Variants in NPR3 observed in about 807,000 individuals in gnomAD.
The protein encoded by NPR3 is atrial natriuretic peptide receptor 3.
A neutral mutation model predicts 54.5 loss-of-function variants in NPR3; 34 were observed. The ratio of observed to expected loss-of-function variants is 0.62; its 90% CI spans 0.47 to 0.83. The LOEUF (loss-of-function observed/expected upper bound fraction) is 0.83. Ranked by LOEUF, NPR3 falls within the 40% of genes least tolerant of loss-of-function variation. NPR3 has a pLI of 0.00. For missense variants in NPR3, 674 were observed against 720.8 expected (o/e 0.94, Z 0.74); for synonymous variants, 289 against 297.1 (o/e 0.97, Z 0.28).
At chr5:32,723,251 T>G (rs1738959918) in intron 1 of NPR3, among the ~76,000 whole-genome samples, 3 of 152,194 alleles carry the variant, frequency 2.0e-5, no homozygotes, top group Non-Finnish European at 4.4e-5. Flanking sequence ...GTGGTACCGG[T>G]CATGGAGACC....
intron 1 of NPR3, among the ~76,000 whole-genome samples, chr5:32,694,025 G>C (rs1740465028): frequency 6.6e-6 from 1 of 151,996 alleles, no homozygotes; most frequent in African/African-American, 2.4e-5. Flanking sequence ...GTCTTCTCTT[G>C]CTCCTTCTAG....
intron 1 of NPR3, among the ~76,000 whole-genome samples, chr5:32,720,667 T>C (rs114288765): frequency 5.8e-4 from 88 of 152,266 alleles, no homozygotes; most frequent in African/African-American, 2.0e-3. Flanking sequence ...ATTTTAACAA[T>C]GCGACCCAAA....
chr5:32,727,178 G>A (rs1739181846), intron 2 of NPR3, among the ~76,000 whole-genome samples: 1 of 152,108 alleles, frequency 6.6e-6, no homozygotes, highest in Non-Finnish European at 1.5e-5. Context: ...CCAGGCTGGA[G>A]TACAGAGGCG....
upstream of NPR3, among the ~76,000 whole-genome samples, chr5:32,707,068 T>C (rs1270277679): frequency 3.3e-5 from 5 of 152,320 alleles, no homozygotes; most frequent in East Asian, 9.6e-4. Context: ...TCATATAGCT[T>C]GCAAATCTTA....
At chr5:32,737,967 T>C (rs904729184) in intron 2 of NPR3, among the ~76,000 whole-genome samples, 5 of 152,064 alleles carry the variant, frequency 3.3e-5, no homozygotes, top group African/African-American at 1.2e-4. Context: ...ATGTTAGCAA[T>C]TTTTATCTCA....
intron 2 of NPR3, among the ~76,000 whole-genome samples, chr5:32,734,702 G>A (rs1739637633): frequency 6.6e-6 from 1 of 152,204 alleles, no homozygotes; most frequent in South Asian, 2.1e-4. Flanking sequence ...CTATGTTCTA[G>A]TCTGTGCAGC....
chr5:32,706,928 C>T (rs1738008945), upstream of NPR3, among the ~76,000 whole-genome samples: 1 of 152,056 alleles, frequency 6.6e-6, no homozygotes, highest in African/African-American at 2.4e-5. Flanking sequence ...AAATAAAGTT[C>T]ATATTTTAAA....
In NPR3 at chr5:32,789,746, TG is replaced by T; in HGVS notation, c.*3402del. On this transcript the variant is annotated 3_prime_UTR_variant, in exon 8 of 8. Transcript: ENST00000265074. The stretch of plus-strand genomic sequence containing the variant: ...TGTGTGTAAGACATGCAGTCAACAA[TG>T]AGATGAAGGCCATTGCATAGATCTC... 2 of 533,674 alleles carry T rather than the reference TG, an allele frequency of 3.7e-6. No homozygotes were observed. Among genetic ancestry groups the T allele is most frequent in the Non-Finnish European group, 7.7e-6 (2 of 259,622 alleles). The allele number at this position is 533,674 out of a possible 1,614,324, so 33.1% of individuals were successfully genotyped here.
intron 3 of NPR3, among the ~76,000 whole-genome samples, chr5:32,753,322 TC>T (rs1270631074): frequency 5.3e-4 from 77 of 144,720 alleles, no homozygotes; most frequent in South Asian, 3.7e-3. Context: ...TATGCTATTT[TC>T]TTTTTTTTTT....
intron 3 of NPR3, among the ~76,000 whole-genome samples, chr5:32,746,126 T>C (rs1252198583): frequency 6.6e-6 from 1 of 152,224 alleles, no homozygotes; most frequent in Non-Finnish European, 1.5e-5. Context: ...ATGTGGCATA[T>C]GTGTGAAAAT....
intron 2 of NPR3, among the ~76,000 whole-genome samples, chr5:32,728,831 G>GTATATATA (rs1378102562): frequency 1.2e-3 from 78 of 63,888 alleles, no homozygotes; most frequent in Non-Finnish European, 1.6e-3. Flanking sequence ...GTGTGTGTGT[G>GTATATATA]TGTGTGTATA....
chr5:32,710,846 TC>T, upstream of NPR3: 6 of 1,415,988 alleles, frequency 4.2e-6, no homozygotes, highest in East Asian at 5.2e-5. Context: ...ACCATCCCTT[TC>T]CCCCAGTCCT....
At chr5:32,733,507 T>C (rs1056840267) in intron 2 of NPR3, among the ~76,000 whole-genome samples, 1 of 152,184 alleles carries the variant, frequency 6.6e-6, no homozygotes, top group Non-Finnish European at 1.5e-5. Context: ...GAACTGCTAT[T>C]ATTGTAGAGC....
chr5:32,724,859 C>T (rs368912823), intron 2 of NPR3, 39 bp downstream of exon 2: 318 of 1,610,784 alleles, frequency 2.0e-4, no homozygotes, highest in Non-Finnish European at 2.6e-4. Context: ...TGCTAGGGTT[C>T]CAAGAGAGGT....
At chr5:32,772,781 A>AT (rs111875370) in intron 3 of NPR3, among the ~76,000 whole-genome samples, 8,174 of 152,170 alleles carry the variant, frequency 0.054, 664 homozygotes, top group African/African-American at 0.18. Context: ...ACATTTATTA[A>AT]TTTTTTAAAC....
chr5:32,756,656 T>G (rs1390689361), intron 3 of NPR3, among the ~76,000 whole-genome samples: 2 of 152,234 alleles, frequency 1.3e-5, no homozygotes, highest in African/African-American at 4.8e-5. Flanking sequence ...GCTTTTGGTG[T>G]TTTAGACATG....
chr5:32,716,020 A>G (rs1738527885), intron 1 of NPR3, among the ~76,000 whole-genome samples: 1 of 152,222 alleles, frequency 6.6e-6, no homozygotes, highest in Non-Finnish European at 1.5e-5. Flanking sequence ...GTGTAAAATA[A>G]CTAACACAGC....
In NPR3 at chr5:32,738,981, T is replaced by G; in HGVS notation, c.1010T>G (p.Met337Arg). 6.8e-6 allele frequency: 11 copies of G among 1,614,014 alleles called. No homozygotes were observed. The highest frequency in any genetic ancestry group is 9.3e-6 in the Non-Finnish European group (11 of 1,179,878). Residue 337 changes from methionine (M) to arginine (R), a missense_variant, in exon 3 of 8, where the codon ATG becomes AGG. Coordinates refer to ENST00000265074, the MANE Select transcript of NPR3 (RefSeq NM_001204375.2). ...AAACCTGAGTTTGAGAAGTTTTCCA[T>G]GGAGGTGAAAAGTTCAGTTGAGAAA... The part of the protein sequence containing the change: ...TVKPEFEKFS[M>R]EVKSSVEKQG...
Position 32,786,656 on chromosome 5 carries a change from T to G in NPR3, c.*311T>G, listed in dbSNP as rs1742650443. On this transcript the variant is annotated 3_prime_UTR_variant, in exon 8 of 8. Coordinates refer to ENST00000265074, the MANE Select transcript of NPR3 (RefSeq NM_001204375.2). ...TGTTGTCTCCATATCTTGATGGCTT[T>G]TGGGAGCATTTCACACAAGGATATA... is the stretch of plus-strand genomic sequence containing the variant. The G allele has an allele frequency of 8.1e-6, 2 of 247,670 alleles. No homozygotes were observed. Among genetic ancestry groups the G allele is most frequent in the Middle Eastern group, 1.3e-3 (1 of 794 alleles). 15.3% of individuals were successfully genotyped at this position (247,670 alleles called of 1,614,324 possible).
Sources: allele counts gnomAD v4.1 joint callset (sites outside exome capture counted in the v4.1 genomes callset), GRCh38; gene constraint gnomAD v4.1.1; transcripts MANE v1.5; gene names NCBI Gene and HGNC (gene_info 2026-07-23, HGNC 2026-07-21).